Variants in IKZF2 observed in about 807,000 individuals in gnomAD.
IKZF2 encodes the protein IKAROS family zinc finger 2.
IKZF2 carries 15 observed loss-of-function variants against 49.2 expected under a neutral mutation model. The observed-to-expected ratio is 0.30, with a 90% CI of 0.20 to 0.47. The LOEUF (loss-of-function observed/expected upper bound fraction) is 0.47. Ranked by LOEUF, IKZF2 falls within the 20% of genes least tolerant of loss-of-function variation. IKZF2 has a pLI of 1.00. For synonymous variants in IKZF2, 227 were observed against 221.4 expected, an observed-to-expected ratio of 1.03 and a Z score of -0.23; for missense variants, 567 against 664.6, an observed-to-expected ratio of 0.85 and a Z score of 1.61.
intron 6 of IKZF2, among the ~76,000 whole-genome samples, chr2:213,024,492 G>A (rs967682579): frequency 2.0e-5 from 3 of 152,128 alleles, no homozygotes; most frequent in Non-Finnish European, 1.5e-5. Flanking sequence ...CAGTTGCATG[G>A]AGCAAAAGAA....
chr2:213,086,508 C>T (rs1278883154), intron 4 of IKZF2, among the ~76,000 whole-genome samples: 1 of 152,108 alleles, frequency 6.6e-6, no homozygotes, highest in Non-Finnish European at 1.5e-5. Flanking sequence ...TGATCCTGAT[C>T]CCATGGTATT....
chr2:213,120,405 G>A (rs937818238), intron 4 of IKZF2, among the ~76,000 whole-genome samples: 1 of 152,180 alleles, frequency 6.6e-6, no homozygotes, highest in African/African-American at 2.4e-5. Context: ...AAAGGAGAAG[G>A]ATTCATGCAA....
At chr2:213,032,644 G>A (rs1288021689) in intron 6 of IKZF2, among the ~76,000 whole-genome samples, 1 of 152,202 alleles carries the variant, frequency 6.6e-6, no homozygotes, top group African/African-American at 2.4e-5. Context: ...TCGGGAGGCT[G>A]AGAGGCTGAG....
chr2:213,045,830 T>C (rs1415981116), intron 6 of IKZF2, among the ~76,000 whole-genome samples: 1 of 152,142 alleles, frequency 6.6e-6, no homozygotes, highest in South Asian at 2.1e-4. Flanking sequence ...TAGACCATAT[T>C]TGGGTATACT....
At chr2:213,020,644 C>A (rs1301406430) in intron 7 of IKZF2, among the ~76,000 whole-genome samples, 1 of 152,082 alleles carries the variant, frequency 6.6e-6, no homozygotes, top group African/African-American at 2.4e-5. Flanking sequence ...GAATTAGATT[C>A]TTTAGATTAT....
In IKZF2 at chr2:213,000,252, T is replaced by TATA. The variant is rs1553537457; in HGVS notation, c.*7107_*7108insTAT. ...TGGAATTTTAACTTTACATATATAT[T>TATA]TATATATATATATATATATTTCTTT... On this transcript the variant is annotated 3_prime_UTR_variant, in exon 9 of 9. Coordinates refer to ENST00000434687, the MANE Select transcript of IKZF2 (RefSeq NM_001387220.1). 2.0e-4 allele frequency: 29 copies of TATA among 142,960 alleles called. No individual in the cohort carries two copies. Among genetic ancestry groups the TATA allele is most frequent in the East Asian group, 8.0e-4 (4 of 4,972 alleles). 8.9% of individuals were successfully genotyped at this position (142,960 alleles called of 1,614,324 possible). A position where few individuals can be genotyped will look rare whatever the true frequency, so the allele number is the denominator to read the frequency against.
intron 4 of IKZF2, among the ~76,000 whole-genome samples, chr2:213,061,993 C>A (rs1010397540): frequency 2.6e-5 from 4 of 151,418 alleles, no homozygotes; most frequent in Admixed American, 1.3e-4. Context: ...TGCAAGACAG[C>A]ATATGATTTT....
At chr2:213,108,961 T>A (rs948572953) in intron 4 of IKZF2, among the ~76,000 whole-genome samples, 1 of 152,116 alleles carries the variant, frequency 6.6e-6, no homozygotes, top group Non-Finnish European at 1.5e-5. Context: ...TTTCTTTACA[T>A]ATTTGAGATC....
chr2:213,035,655 A>G (rs1337615645), intron 6 of IKZF2, among the ~76,000 whole-genome samples: 21 of 152,212 alleles, frequency 1.4e-4, no homozygotes, highest in Admixed American at 1.4e-3. Context: ...CAAAAACAGT[A>G]GGAAAGAATA....
chr2:213,053,715 C>A (rs553081091), intron 5 of IKZF2, among the ~76,000 whole-genome samples: 1 of 152,190 alleles, frequency 6.6e-6, no homozygotes, highest in Non-Finnish European at 1.5e-5. Flanking sequence ...AATTGATTTA[C>A]TTTCCCTATT....
chr2:213,056,733 C>A lies in IKZF2; in HGVS notation c.406+100G>T, dbSNP rs1381174225. On this transcript the variant is annotated intron_variant, in intron 5 of 8. Transcript: ENST00000434687. ...CAGAATTCTGAAAAGGTAGTTTTCA[C>A]CACTGCCACCCCTGAATAAAAAGGA... 15 of 1,433,630 alleles carry A rather than the reference C, an allele frequency of 1.0e-5. No homozygotes were observed. In the Admixed American group the frequency reaches 2.7e-4, roughly 26 times the overall value. The allele number at this position is 1,433,630 out of a possible 1,614,324, so 88.8% of individuals were successfully genotyped here. A position where few individuals can be genotyped will look rare whatever the true frequency, so the allele number is the denominator to read the frequency against.
At chr2:213,013,455 A>G (rs768158032) in intron 8 of IKZF2, among the ~76,000 whole-genome samples, 1 of 151,808 alleles carries the variant, frequency 6.6e-6, no homozygotes, top group Non-Finnish European at 1.5e-5. Context: ...TTTAAAACAG[A>G]TTACAAAACT....
In IKZF2 at chr2:213,002,730, A is replaced by G. The variant is rs1404656556; in HGVS notation, c.*4630T>C. 6.6e-6 allele frequency: 1 copy of G among 151,882 alleles called. No homozygotes were observed. Among genetic ancestry groups the G allele is most frequent in the East Asian group, 1.9e-4 (1 of 5,164 alleles). 9.4% of individuals were successfully genotyped at this position (151,882 alleles called of 1,614,324 possible). On this transcript the variant is annotated 3_prime_UTR_variant, in exon 9 of 9. Transcript: ENST00000434687. ...CCTGCTTTTTCACATTATTCCATCA[A>G]TTTTCAATCTCTATTTTCTAACAGA...
intron 6 of IKZF2, among the ~76,000 whole-genome samples, chr2:213,042,937 T>C (rs1043889649): frequency 3.3e-5 from 5 of 152,152 alleles, no homozygotes; most frequent in African/African-American, 1.2e-4. Flanking sequence ...CTAGACTTAT[T>C]GCTATTAATC....
rs773923033 is a variant in IKZF2, at chr2:213,007,903, T to C, written c.1038A>G (p.Glu346=). 6.2e-7 allele frequency: 1 copy of C among 1,613,492 alleles called. No homozygotes were observed. The highest frequency in any genetic ancestry group is 1.7e-5 in the Admixed American group (1 of 59,894). ...LMQHPPSTIA[E]VAPVISSAYS... ...AAGCTGAGCTTATAACTGGGGCCAC[T>C]TCAGCGATTGTGCTTGGCGGGTGCT... is the stretch of plus-strand genomic sequence containing the variant. The change falls in exon 9 of 9, where the codon GAA becomes GAG. Residue 346 remains glutamate (E), a synonymous_variant. Coordinates refer to ENST00000434687, the MANE Select transcript of IKZF2 (RefSeq NM_001387220.1).
At chr2:213,121,058 G>T (rs924939648) in intron 4 of IKZF2, among the ~76,000 whole-genome samples, 175 of 152,016 alleles carry the variant, frequency 1.2e-3, no homozygotes, top group African/African-American at 4.1e-3. Context: ...ATTTATGTAT[G>T]ATGTAACTGT....
intron 4 of IKZF2, among the ~76,000 whole-genome samples, chr2:213,108,567 A>G (rs1211479959): frequency 1.3e-5 from 2 of 151,788 alleles, no homozygotes; most frequent in East Asian, 3.9e-4. Flanking sequence ...ACCAAAATAA[A>G]CCCCTCCTCA....
intron 6 of IKZF2, 62 bp from the exon 7 acceptor site, chr2:213,022,192 T>G (rs1697304399): frequency 7.0e-7 from 1 of 1,425,416 alleles, no homozygotes; most frequent in Non-Finnish European, 9.3e-7. Context: ...GCAAAATCAA[T>G]AGCTAACTTT....
intron 4 of IKZF2, among the ~76,000 whole-genome samples, chr2:213,068,973 AAAG>A (rs539155617): frequency 3.8e-4 from 57 of 151,866 alleles, no homozygotes; most frequent in Non-Finnish European, 5.7e-4. Context: ...TAAAAAGAAA[AAAG>A]AAGTGCTACA....
Sources: gnomAD v4.1 joint callset for allele counts (sites outside exome capture counted in the v4.1 genomes callset) on GRCh38, gnomAD v4.1.1 for gene constraint, MANE v1.5 for transcripts, NCBI Gene and HGNC (gene_info 2026-07-23, HGNC 2026-07-21) for gene names.